The following CCDC7 variants were observed in gnomAD, a reference collection of about 807,000 sequenced individuals.
The protein encoded by CCDC7 is coiled-coil domain containing 7, also known as coiled-coil domain-containing protein 7.
CCDC7 carries 183 observed loss-of-function variants against 196.9 expected under a neutral mutation model. That is an observed-to-expected ratio of 0.93 (90% CI 0.82 to 1.05). CCDC7 has a LOEUF of 1.05. CCDC7 is among the 50% of genes least tolerant of loss of function. CCDC7 has a pLI of 0.00. For synonymous variants in CCDC7, 525 were observed against 484.6 expected (o/e 1.08, Z -1.10); for missense variants, 1,540 against 1,482.2 (o/e 1.04, Z -0.64).
chr10:32,730,736 A>G (rs969055565), intron 28 of CCDC7, among the ~76,000 whole-genome samples: 2 of 112,132 alleles, frequency 1.8e-5, no homozygotes, highest in Admixed American at 1.7e-4. Context: ...CACCATAGAT[A>G]CAGTTCTCTA....
intron 20 of CCDC7, among the ~76,000 whole-genome samples, chr10:32,637,180 G>T (rs2065814450): frequency 6.6e-6 from 1 of 152,154 alleles, no homozygotes; most frequent in African/African-American, 2.4e-5. Flanking sequence ...TCTGTAGGCT[G>T]CCTGTTCACT....
At chr10:32,480,299 T>C (rs925393369) in intron 8 of CCDC7, among the ~76,000 whole-genome samples, 1 of 152,050 alleles carries the variant, frequency 6.6e-6, no homozygotes, top group Non-Finnish European at 1.5e-5. Context: ...AGCTCTTTTG[T>C]CTTTTTTTAA....
chr10:32,650,235 A>G (rs2068497222), intron 20 of CCDC7, among the ~76,000 whole-genome samples: 1 of 152,196 alleles, frequency 6.6e-6, no homozygotes, highest in Non-Finnish European at 1.5e-5. Flanking sequence ...TCTTTGTTGT[A>G]AAATTCTTGT....
chr10:32,702,928 T>C lies in CCDC7; in HGVS notation c.2458+7936T>C, dbSNP rs555835919. On this transcript the variant is annotated intron_variant, in intron 24 of 41. Coordinates refer to ENST00000639629, the Ensembl canonical transcript of CCDC7. ...GTGTGTCTCTGCACGTGAGATGGGT[T>C]TCCTGAATACAGCACACTGATGGGT... Among the ~76,000 whole-genome samples, 762 of 152,258 alleles carry C rather than the reference T, an allele frequency of 5.0e-3. 6 individuals carry two copies. Among genetic ancestry groups the C allele is most frequent in the Non-Finnish European group, 6.4e-3 (435 of 68,012 alleles).
chr10:32,831,048 G>A (rs73258110), intron 32 of CCDC7, among the ~76,000 whole-genome samples: 7,038 of 152,122 alleles, frequency 0.046, 545 homozygotes, highest in African/African-American at 0.16. Flanking sequence ...AAATCATAGA[G>A]TATACTTACA....
intron 11 of CCDC7, among the ~76,000 whole-genome samples, chr10:32,521,860 G>A (rs79142529): frequency 0.12 from 18,548 of 151,988 alleles, 1,186 homozygotes; most frequent in East Asian, 0.16. Flanking sequence ...TTTTATTATC[G>A]TTGAGGTATG....
At chr10:32,740,801 TCTTA>T (rs1311759058) in intron 28 of CCDC7, among the ~76,000 whole-genome samples, 4 of 152,194 alleles carry the variant, frequency 2.6e-5, no homozygotes, top group Non-Finnish European at 5.9e-5. Context: ...TTTTTTCCTA[TCTTA>T]CTTATTTTTA....
intron 9 of CCDC7, among the ~76,000 whole-genome samples, chr10:32,517,630 AG>A (rs1373777423): frequency 3.9e-5 from 2 of 51,706 alleles, no homozygotes; most frequent in African/African-American, 1.8e-4. Flanking sequence ...GGGTGGGGGG[AG>A]GGGGGAGGGA....
At chr10:32,735,197 TA>T (rs1322056364) in intron 28 of CCDC7, among the ~76,000 whole-genome samples, 5 of 152,218 alleles carry the variant, frequency 3.3e-5, no homozygotes, top group Admixed American at 2.6e-4. Flanking sequence ...TAGGGACATA[TA>T]TTTTTTACAC....
intron 41 of CCDC7, among the ~76,000 whole-genome samples, chr10:32,866,945 G>A (rs1052837288): frequency 2.0e-5 from 3 of 151,450 alleles, no homozygotes. Context: ...CATTACATCT[G>A]GGATACTCCT....
At chr10:32,861,534 A>G (rs2093983928) in intron 41 of CCDC7, among the ~76,000 whole-genome samples, 1 of 152,178 alleles carries the variant, frequency 6.6e-6, no homozygotes, top group African/African-American at 2.4e-5. Flanking sequence ...TGACTAAAAC[A>G]CCAAAAGCAA....
intron 13 of CCDC7, among the ~76,000 whole-genome samples, chr10:32,563,353 G>C (rs975676413): frequency 6.6e-6 from 1 of 152,260 alleles, no homozygotes; most frequent in Middle Eastern, 3.4e-3. Flanking sequence ...TCAATCCTAA[G>C]CCAAAAGAAC....
At chr10:32,826,414 A>G (rs1195553244) in intron 32 of CCDC7, among the ~76,000 whole-genome samples, 1 of 152,190 alleles carries the variant, frequency 6.6e-6, no homozygotes, top group African/African-American at 2.4e-5. Context: ...ATGGGTCATC[A>G]AGTCACCATG....
intron 11 of CCDC7, among the ~76,000 whole-genome samples, chr10:32,531,836 T>G (rs2049717144): frequency 6.6e-6 from 1 of 152,182 alleles, no homozygotes. Context: ...ATTTGTTGAC[T>G]ATTGTTGTTC....
At chr10:32,652,396 G>C (rs1007057078) in intron 20 of CCDC7, among the ~76,000 whole-genome samples, 1 of 151,720 alleles carries the variant, frequency 6.6e-6, no homozygotes, top group African/African-American at 2.4e-5. Context: ...GGAGAATTCT[G>C]TCCTTTAACA....
chr10:32,602,439 G>T (rs2061152129), intron 18 of CCDC7, among the ~76,000 whole-genome samples: 1 of 152,144 alleles, frequency 6.6e-6, no homozygotes, highest in Non-Finnish European at 1.5e-5. Flanking sequence ...TGACAAAGTT[G>T]GTTCTCATAG....
chr10:32,451,741 T>A (rs1210935460), exon 1 of CCDC7: 2 of 1,614,048 alleles, frequency 1.2e-6, no homozygotes, highest in African/African-American at 1.3e-5. Flanking sequence ...CATTATCACC[T>A]GAGCTAAAGG....
intron 18 of CCDC7, among the ~76,000 whole-genome samples, chr10:32,599,506 T>TA (rs2060769950): frequency 2.0e-5 from 3 of 152,214 alleles, no homozygotes; most frequent in African/African-American, 7.2e-5. Flanking sequence ...TTTCCTCCTT[T>TA]AGCATCTTCA....
At chr10:32,823,763 C>T (rs112880051) in intron 31 of CCDC7, among the ~76,000 whole-genome samples, 24 of 152,092 alleles carry the variant, frequency 1.6e-4, no homozygotes, top group African/African-American at 5.8e-4. Context: ...TACCTAGATA[C>T]TAGTTTCTAA....
Sources: allele counts gnomAD v4.1 joint callset (sites outside exome capture counted in the v4.1 genomes callset), GRCh38; gene constraint gnomAD v4.1.1; transcripts MANE v1.5; gene names NCBI Gene and HGNC (gene_info 2026-07-23, HGNC 2026-07-21).